HSPA12A: variants seen among roughly 807,000 people sequenced by gnomAD.
HSPA12A encodes heat shock 70 kDa protein 12A.
Under a neutral mutation model 69.2 loss-of-function variants are expected in HSPA12A, and 28 were observed. The ratio of observed to expected loss-of-function variants is 0.40; its 90% CI spans 0.30 to 0.55. HSPA12A has a LOEUF of 0.55. HSPA12A is among the 20% of genes least tolerant of loss of function. The probability of loss-of-function intolerance (pLI) is 0.38; values close to 1 mark genes in which losing one functional copy is unlikely to be tolerated. For synonymous variants in HSPA12A, 345 were observed against 370.5 expected, an observed-to-expected ratio of 0.93 and a Z score of 0.79; for missense variants, 686 against 900.7, an observed-to-expected ratio of 0.76 and a Z score of 3.05.
chr10:116,717,098 G>A (rs575585390), intron 1 of HSPA12A, among the ~76,000 whole-genome samples: 3 of 152,262 alleles, frequency 2.0e-5, no homozygotes, highest in African/African-American at 7.2e-5. Flanking sequence ...TGTATCTCAT[G>A]GGGACCTGCC....
upstream of HSPA12A, among the ~76,000 whole-genome samples, chr10:116,747,545 G>GT (rs1403323269): frequency 1.3e-5 from 2 of 152,180 alleles, no homozygotes; most frequent in Non-Finnish European, 2.9e-5. Flanking sequence ...GACCAGGAGA[G>GT]TTTTCACAAG....
chr10:116,774,918 G>A (rs1844300705), intron 2 of HSPA12A, among the ~76,000 whole-genome samples: 1 of 152,142 alleles, frequency 6.6e-6, no homozygotes. Flanking sequence ...GGTCCAGCTG[G>A]CATCCTGTCA....
intron 7 of HSPA12A, among the ~76,000 whole-genome samples, chr10:116,682,867 A>ATTTTTTTTTTTTTTTTT (rs60393392): frequency 1.1e-4 from 13 of 117,686 alleles, no homozygotes; most frequent in African/African-American, 4.5e-4. Flanking sequence ...CGCCCGGCTA[A>ATTTTTTTTTTTTTTTTT]TTTTTTTTTT....
At chr10:116,797,467 GATGTGTGTGC>G (rs1209177380) in intron 2 of HSPA12A, among the ~76,000 whole-genome samples, 2 of 152,106 alleles carry the variant, frequency 1.3e-5, no homozygotes, top group Non-Finnish European at 2.9e-5. Context: ...TGTTCGTGTG[GATGTGTGTGC>G]ATGTGTGTAT....
At position 116,686,631 on chromosome 10, in the gene HSPA12A, C is replaced by T. The variant is rs1849582564; in HGVS notation, c.664-2669G>A. ...GGTGGGACTTGTGGCAGTGAGGCCC[C>T]CACAGGGCCAGAAAAAGCAAGGTGG... is the stretch of plus-strand genomic sequence containing the variant. On this transcript the variant is annotated intron_variant, in intron 6 of 11. Transcript: ENST00000369209. This position sits in a 1 kb window ranked among gnomAD's most constrained non-coding sequence, Gnocchi z 4.1. 6.6e-6 allele frequency among the ~76,000 whole-genome samples: 1 copy of T among 152,178 alleles called. No homozygotes were observed. Among genetic ancestry groups the T allele is most frequent in the East Asian group, 1.9e-4 (1 of 5,188 alleles).
At chr10:116,680,891 T>G (rs1554878483) in intron 9 of HSPA12A, among the ~76,000 whole-genome samples, 1 of 152,252 alleles carries the variant, frequency 6.6e-6, no homozygotes, top group Non-Finnish European at 1.5e-5. Flanking sequence ...TTCGGAATTT[T>G]CAGAAACCAG....
At chr10:116,802,421 A>G (rs764455725) in intron 2 of HSPA12A, among the ~76,000 whole-genome samples, 1 of 152,200 alleles carries the variant, frequency 6.6e-6, no homozygotes, top group Non-Finnish European at 1.5e-5. Context: ...ATCTATATAC[A>G]CGTGCACCAT....
At position 116,723,359 on chromosome 10, in the gene HSPA12A, A is replaced by G. The variant is rs1850843489; in HGVS notation, c.41-16074T>C. 6.6e-6 allele frequency among the ~76,000 whole-genome samples: 1 copy of G among 151,902 alleles called. No individual in the cohort carries two copies. Among genetic ancestry groups the G allele is most frequent in the Non-Finnish European group, 1.5e-5 (1 of 67,976 alleles). ...GGCCCGCTGACCTTCACGTGGGAGGATTTGACCCTCATGCTGCCCTCCAAA... is the reference window on the plus strand; with the variant it reads ...GGCCCGCTGACCTTCACGTGGGAGGGTTTGACCCTCATGCTGCCCTCCAAA... On this transcript the variant is annotated intron_variant, in intron 1 of 11. Coordinates refer to ENST00000369209, the MANE Select transcript of HSPA12A (RefSeq NM_025015.3). This position sits in a 1 kb window ranked among gnomAD's most constrained non-coding sequence, Gnocchi z 4.1.
rs782130869 is a variant in HSPA12A, at chr10:116,705,619, ATCT to A, written c.127-344_127-342del. On this transcript the variant is annotated intron_variant, in intron 2 of 11. Transcript: ENST00000369209. Reference sequence around the variant, plus strand: ...GCCCAGTAGTTCCTGAGCAGATACAATCTTCTTCCAAGCCCTGCTGCCTTCCGC... The same window carrying A: ...GCCCAGTAGTTCCTGAGCAGATACAATCTTCCAAGCCCTGCTGCCTTCCGC... 4.6e-5 allele frequency among the ~76,000 whole-genome samples: 7 copies of A among 152,346 alleles called. No individual in the cohort carries two copies. In the East Asian group the frequency reaches 7.7e-4, roughly 17 times the overall value.
upstream of HSPA12A, chr10:116,850,176 C>T: frequency 4.0e-6 from 1 of 248,434 alleles, no homozygotes; most frequent in Non-Finnish European, 8.0e-6. Flanking sequence ...TACAACTTGG[C>T]TTCAGCCTAT....
Position 116,686,820 on chromosome 10 carries a change from C to G in HSPA12A, c.664-2858G>C, listed in dbSNP as rs1409118814. ...CTTCCCACACCATAAGCTCCACCCCCACCCCTTCCCAAACCATAAGCTCCA... is the reference window on the plus strand; with the variant it reads ...CTTCCCACACCATAAGCTCCACCCCGACCCCTTCCCAAACCATAAGCTCCA... On this transcript the variant is annotated intron_variant, in intron 6 of 11. Coordinates refer to ENST00000369209, the MANE Select transcript of HSPA12A (RefSeq NM_025015.3). The surrounding 1 kb of genome is among the most constrained non-coding windows in gnomAD (Gnocchi z 4.1). Among the ~76,000 whole-genome samples the G allele has an allele frequency of 2.0e-5, 3 of 150,760 alleles. No homozygotes were observed. The highest frequency in any genetic ancestry group is 4.4e-5 in the Non-Finnish European group (3 of 67,698).
chr10:116,682,214 C>T (rs144164837), intron 7 of HSPA12A, among the ~76,000 whole-genome samples: 114 of 152,258 alleles, frequency 7.5e-4, no homozygotes, highest in African/African-American at 2.7e-3. Flanking sequence ...GTCAAATGTG[C>T]GCCACTGCAC....
intron 2 of HSPA12A, among the ~76,000 whole-genome samples, chr10:116,776,445 CT>C (rs1170297962): frequency 2.6e-5 from 4 of 152,226 alleles, no homozygotes; most frequent in Admixed American, 6.5e-5. Context: ...TACAGTAAAA[CT>C]CTACGCTCAA....
At chr10:116,805,680 T>C (rs755913995) in intron 2 of HSPA12A, among the ~76,000 whole-genome samples, 17 of 152,180 alleles carry the variant, frequency 1.1e-4, no homozygotes, top group Non-Finnish European at 2.2e-4. Flanking sequence ...GAAAAAGCAT[T>C]CCTGCTGACT....
In HSPA12A at chr10:116,758,565, C is replaced by T. The variant is rs142756500; in HGVS notation, c.92-51280G>A. Reference sequence around the variant, plus strand: ...AGTCATGGGTTACAGGAATATGAGGCCAGCGGAGATGGTTCCTGTTTTCCA... The same window carrying T: ...AGTCATGGGTTACAGGAATATGAGGTCAGCGGAGATGGTTCCTGTTTTCCA... On this transcript the variant is annotated intron_variant, in intron 2 of 12. Transcript: ENST00000635765. Among the ~76,000 whole-genome samples, 169 of 152,176 alleles carry T rather than the reference C, an allele frequency of 1.1e-3. 1 individual carries two copies. The highest frequency in any genetic ancestry group is 4.8e-3 in the South Asian group (23 of 4,812).
At chr10:116,699,140 A>AT (rs5788185) in intron 4 of HSPA12A, among the ~76,000 whole-genome samples, 36,678 of 152,088 alleles carry the variant, frequency 0.24, 4,600 homozygotes, top group South Asian at 0.36. Flanking sequence ...CCCCTGATGG[A>AT]GGCCTAATCG....
intron 10 of HSPA12A, 46 bp from the exon 11 acceptor site, chr10:116,676,548 C>G: frequency 6.9e-7 from 1 of 1,440,338 alleles, no homozygotes; most frequent in Non-Finnish European, 9.8e-7. Flanking sequence ...AGGGTCTACA[C>G]GATACCCAGG....
intron 2 of HSPA12A, among the ~76,000 whole-genome samples, chr10:116,826,177 C>G (rs183783465): frequency 6.6e-6 from 1 of 152,266 alleles, no homozygotes; most frequent in African/African-American, 2.4e-5. Flanking sequence ...AAGCCTCCCC[C>G]GCCTCCCTCC....
intron 3 of HSPA12A, among the ~76,000 whole-genome samples, chr10:116,701,738 T>C (rs1234122298): frequency 1.3e-5 from 2 of 151,920 alleles, no homozygotes; most frequent in African/African-American, 2.4e-5. Context: ...AGTGACTGCG[T>C]TGGTTGGAGA....
Sources: gnomAD v4.1 joint callset for allele counts (sites outside exome capture counted in the v4.1 genomes callset) on GRCh38, gnomAD v4.1.1 for gene constraint, Gnocchi (gnomAD v3.1) non-coding constraint, MANE v1.5 for transcripts, NCBI Gene and HGNC (gene_info 2026-07-23, HGNC 2026-07-21) for gene names.